GULP1: variants seen among roughly 807,000 people sequenced by gnomAD.
The protein encoded by GULP1 is GULP PTB domain containing engulfment adaptor 1.
A neutral mutation model predicts 40.9 loss-of-function variants in GULP1; 19 were observed. That is an observed-to-expected ratio of 0.46 (90% confidence interval 0.32 to 0.68). GULP1 has a LOEUF of 0.68. Ranked by LOEUF, GULP1 falls within the 30% of genes least tolerant of loss-of-function variation. The probability of loss-of-function intolerance (pLI) is 0.03; values close to 1 mark genes in which losing one functional copy is unlikely to be tolerated. For missense variants in GULP1, 312 were observed against 362.2 expected, an observed-to-expected ratio of 0.86 and a Z score of 1.12; for synonymous variants, 119 against 117.6, an observed-to-expected ratio of 1.01 and a Z score of -0.08.
chr2:188,326,853 G>T (rs890143681), intron 1 of GULP1, among the ~76,000 whole-genome samples: 4 of 152,070 alleles, frequency 2.6e-5, no homozygotes, highest in Non-Finnish European at 5.9e-5. Context: ...GGTGGCCTTT[G>T]TGTAGACTCA....
chr2:188,310,530 G>A (rs527385043), intron 1 of GULP1, among the ~76,000 whole-genome samples: 1 of 152,318 alleles, frequency 6.6e-6, no homozygotes, highest in South Asian at 2.1e-4. Context: ...AAGGAAATAT[G>A]AGACAAAGAA....
intron 1 of GULP1, among the ~76,000 whole-genome samples, chr2:188,306,408 C>T (rs757013712): frequency 6.6e-6 from 1 of 151,904 alleles, no homozygotes; most frequent in Non-Finnish European, 1.5e-5. Flanking sequence ...TTTTGTCTTT[C>T]TTTGGTAAGT....
chr2:188,528,856 A>C (rs1478923483), intron 5 of GULP1, among the ~76,000 whole-genome samples: 2 of 152,162 alleles, frequency 1.3e-5, no homozygotes, highest in East Asian at 3.9e-4. Flanking sequence ...TGTAAATACC[A>C]TGAAAGAAGT....
chr2:188,407,333 T>A (rs957461641), intron 2 of GULP1, among the ~76,000 whole-genome samples: 3 of 152,176 alleles, frequency 2.0e-5, no homozygotes, highest in Admixed American at 1.3e-4. Context: ...CTGGTAAAAG[T>A]AAATACACAG....
At chr2:188,534,985 CTATTAT>C (rs1399787511) in intron 6 of GULP1, among the ~76,000 whole-genome samples, 3 of 151,270 alleles carry the variant, frequency 2.0e-5, no homozygotes, top group Admixed American at 1.3e-4. Context: ...TCTCGATTTC[CTATTAT>C]TAAGACTTTA....
chr2:188,521,739 C>T (rs1274448149), intron 4 of GULP1, among the ~76,000 whole-genome samples: 1 of 152,162 alleles, frequency 6.6e-6, no homozygotes, highest in Non-Finnish European at 1.5e-5. Context: ...GGTGAGGACA[C>T]AGTCAAACCA....
chr2:188,586,557 A>G (rs2153466475), intron 10 of GULP1, among the ~76,000 whole-genome samples: 1 of 152,352 alleles, frequency 6.6e-6, no homozygotes, highest in Admixed American at 6.5e-5. Flanking sequence ...TCAGTTATAT[A>G]TAAGGTAACA....
chr2:188,471,566 G>A (rs535896454), intron 2 of GULP1, among the ~76,000 whole-genome samples: 44 of 152,076 alleles, frequency 2.9e-4, no homozygotes, highest in African/African-American at 1.0e-3. Context: ...TTACAATGAG[G>A]CTTGCAAGTA....
chr2:188,306,667 T>TCTC (rs377745096), intron 1 of GULP1, among the ~76,000 whole-genome samples: 191 of 152,300 alleles, frequency 1.3e-3, no homozygotes, highest in African/African-American at 4.4e-3. Context: ...TTGCTGGAGA[T>TCTC]GAAGCCAGTG....
intron 1 of GULP1, among the ~76,000 whole-genome samples, chr2:188,347,448 CTG>C (rs1181282669): frequency 6.6e-6 from 1 of 152,048 alleles, no homozygotes; most frequent in Non-Finnish European, 1.5e-5. Flanking sequence ...TAAAAATAAA[CTG>C]TCAGAAACAA....
intron 4 of GULP1, among the ~76,000 whole-genome samples, chr2:188,516,245 T>A (rs2065158370): frequency 6.6e-6 from 1 of 152,168 alleles, no homozygotes; most frequent in Admixed American, 6.5e-5. Context: ...TCAGTATGAA[T>A]TTTTCTTTCC....
At chr2:188,346,010 C>T (rs1318636060) in intron 1 of GULP1, among the ~76,000 whole-genome samples, 3 of 152,164 alleles carry the variant, frequency 2.0e-5, no homozygotes, top group Non-Finnish European at 4.4e-5. Context: ...GGGATCATTC[C>T]TGCTTTGAGC....
At chr2:188,297,533 TTTGCCA>T in intron 1 of GULP1, 1 of 468,074 alleles carries the variant, frequency 2.1e-6, no homozygotes, top group Non-Finnish European at 4.4e-6. Flanking sequence ...GATCTTAAAC[TTTGCCA>T]GAGCTACAAA....
chr2:188,393,776 T>G (rs2050846472), intron 2 of GULP1, among the ~76,000 whole-genome samples: 1 of 152,094 alleles, frequency 6.6e-6, no homozygotes, highest in African/African-American at 2.4e-5. Context: ...GGTTCATAAT[T>G]TATGAAATTT....
chr2:188,420,843 G>A (rs1310446532), intron 2 of GULP1, among the ~76,000 whole-genome samples: 1 of 152,156 alleles, frequency 6.6e-6, no homozygotes, highest in Non-Finnish European at 1.5e-5. Context: ...ACTCCAGTCT[G>A]TGGATTGTAT....
chr2:188,323,884 T>C (rs2040385389), intron 1 of GULP1, among the ~76,000 whole-genome samples: 1 of 151,932 alleles, frequency 6.6e-6, no homozygotes, highest in South Asian at 2.1e-4. Flanking sequence ...AATTTTGCTC[T>C]CTCCTCTATG....
chr2:188,362,267 A>G (rs1320504547), intron 1 of GULP1, among the ~76,000 whole-genome samples: 2 of 152,140 alleles, frequency 1.3e-5, no homozygotes, highest in African/African-American at 4.8e-5. Context: ...AATAAACATT[A>G]ATGTATTAAA....
intron 1 of GULP1, among the ~76,000 whole-genome samples, chr2:188,318,599 A>T (rs138394106): frequency 1.3e-4 from 20 of 152,232 alleles, no homozygotes; most frequent in Non-Finnish European, 2.5e-4. Context: ...TCCATAAGAC[A>T]TGCCCAGCAG....
chr2:188,554,772 A>G (rs769835908), intron 7 of GULP1, among the ~76,000 whole-genome samples: 1 of 152,026 alleles, frequency 6.6e-6, no homozygotes, highest in Non-Finnish European at 1.5e-5. Flanking sequence ...ATTGCAGTCT[A>G]TCTCTTTAGA....
Sources: allele counts gnomAD v4.1 joint callset (sites outside exome capture counted in the v4.1 genomes callset), GRCh38; gene constraint gnomAD v4.1.1; transcripts MANE v1.5; gene names NCBI Gene and HGNC (gene_info 2026-07-23, HGNC 2026-07-21).